Variants in WDR27 observed in about 807,000 individuals in gnomAD.
The protein encoded by WDR27 is WD repeat domain 27, also known as WD repeat-containing protein 27.
Under a neutral mutation model 114.4 loss-of-function variants are expected in WDR27, and 100 were observed. The observed-to-expected ratio is 0.87, with a 90% CI of 0.74 to 1.03. The LOEUF (loss-of-function observed/expected upper bound fraction) is 1.03, where lower values mean the gene tolerates loss of function less well. WDR27 is among the 50% of genes least tolerant of loss of function. WDR27 has a pLI of 0.00. For synonymous variants in WDR27, 449 were observed against 423.1 expected, an observed-to-expected ratio of 1.06 and a Z score of -0.75; for missense variants, 1,129 against 1,092.9, an observed-to-expected ratio of 1.03 and a Z score of -0.47.
intron 24 of WDR27, among the ~76,000 whole-genome samples, chr6:169,576,507 T>A (rs1802361691): frequency 6.6e-6 from 1 of 152,226 alleles, no homozygotes; most frequent in African/African-American, 2.4e-5. Flanking sequence ...AGACCTGTAG[T>A]CCCAGCACTT....
At chr6:169,507,858 G>A (rs1792211933) in intron 25 of WDR27, among the ~76,000 whole-genome samples, 1 of 152,012 alleles carries the variant, frequency 6.6e-6, no homozygotes, top group South Asian at 2.1e-4. Flanking sequence ...GAGACCACAT[G>A]TGGCACTCTC....
chr6:169,597,233 T>C (rs956513124), intron 23 of WDR27, among the ~76,000 whole-genome samples: 1 of 152,258 alleles, frequency 6.6e-6, no homozygotes, highest in Non-Finnish European at 1.5e-5. Context: ...CTGTGGTCTC[T>C]GACTTGTACT....
intron 21 of WDR27, among the ~76,000 whole-genome samples, chr6:169,631,378 T>C (rs962093045): frequency 6.6e-6 from 1 of 151,442 alleles, no homozygotes; most frequent in African/African-American, 2.4e-5. Flanking sequence ...AGAAAAGCCT[T>C]CTCCTATTGA....
chr6:169,544,426 C>CTTTTTTTTTTT (rs201281369), intron 25 of WDR27, among the ~76,000 whole-genome samples: 1 of 140,874 alleles, frequency 7.1e-6, no homozygotes. Context: ...ATTTCTTTTC[C>CTTTTTTTTTTT]TTTTTTTTTT....
chr6:169,611,306 C>CTTTTTT (rs56812983), intron 22 of WDR27, among the ~76,000 whole-genome samples: 1 of 132,250 alleles, frequency 7.6e-6, no homozygotes, highest in Non-Finnish European at 1.6e-5. Flanking sequence ...TTTTTACTTA[C>CTTTTTT]TTTTTTTTTT....
intron 25 of WDR27, among the ~76,000 whole-genome samples, chr6:169,557,814 C>A (rs945323262): frequency 2.6e-5 from 4 of 152,040 alleles, no homozygotes; most frequent in African/African-American, 9.7e-5. Context: ...AACTTGCATT[C>A]CCCTCCACTT....
chr6:169,525,471 G>A (rs577553008), intron 25 of WDR27, among the ~76,000 whole-genome samples: 2 of 149,878 alleles, frequency 1.3e-5, no homozygotes, highest in African/African-American at 5.0e-5. Flanking sequence ...GGGAGGTGGA[G>A]CTTGCAGTGA....
intron 25 of WDR27, among the ~76,000 whole-genome samples, chr6:169,501,800 C>T (rs1463217747): frequency 6.6e-6 from 1 of 152,202 alleles, no homozygotes; most frequent in Non-Finnish European, 1.5e-5. Context: ...CGCGACTGCC[C>T]TGCCTGGTGG....
intron 23 of WDR27, among the ~76,000 whole-genome samples, chr6:169,596,111 C>A (rs1173642674): frequency 6.6e-6 from 1 of 151,982 alleles, no homozygotes; most frequent in African/African-American, 2.4e-5. Flanking sequence ...TAGTCTGAGT[C>A]AATTTTCCCA....
chr6:169,685,147 C>T (rs1424069502), intron 2 of WDR27, among the ~76,000 whole-genome samples: 11 of 152,068 alleles, frequency 7.2e-5, no homozygotes. Flanking sequence ...TAAACTGACA[C>T]CCCAGGACCC....
chr6:169,565,519 GGA>G (rs2128120716), intron 25 of WDR27, among the ~76,000 whole-genome samples: 1 of 152,256 alleles, frequency 6.6e-6, no homozygotes, highest in Non-Finnish European at 1.5e-5. Flanking sequence ...CTTACGCAGT[GGA>G]GAAACTGAGT....
At chr6:169,473,056 C>T (rs950704528) in intron 25 of WDR27, among the ~76,000 whole-genome samples, 1 of 152,170 alleles carries the variant, frequency 6.6e-6, no homozygotes, top group African/African-American at 2.4e-5. Context: ...AAATACTTTT[C>T]AGATAGCTGT....
chr6:169,441,232 G>A, the WDR27 span, among the ~76,000 whole-genome samples: 41 of 152,064 alleles, frequency 2.7e-4, no homozygotes, highest in Non-Finnish European at 4.7e-4. Flanking sequence ...GGTCCCTGAT[G>A]TTGACTACCT....
intron 21 of WDR27, among the ~76,000 whole-genome samples, chr6:169,627,111 C>T (rs984534584): frequency 2.6e-5 from 4 of 152,160 alleles, no homozygotes; most frequent in South Asian, 2.1e-4. Flanking sequence ...ATGATTTCCT[C>T]GATAACTCCT....
chr6:169,695,392 T>C (rs1785634181), intron 1 of WDR27, among the ~76,000 whole-genome samples: 1 of 152,224 alleles, frequency 6.6e-6, no homozygotes, highest in South Asian at 2.1e-4. Flanking sequence ...GATTCCGTTT[T>C]GGATACGTTA....
downstream of WDR27, among the ~76,000 whole-genome samples, chr6:169,456,644 AATC>A (rs1562437045): frequency 6.6e-6 from 1 of 152,158 alleles, no homozygotes; most frequent in African/African-American, 2.4e-5. The surrounding 1 kb of genome is among the most constrained non-coding windows in gnomAD (Gnocchi z 4.0). Context: ...TCAGTTGTTC[AATC>A]ATCAACTGTG....
intron 8 of WDR27, chr6:169,663,851 A>G (rs1301040517): frequency 5.5e-6 from 2 of 364,592 alleles, no homozygotes; most frequent in Admixed American, 8.8e-5. Context: ...CTTTCTGATC[A>G]GCATGACCTG....
chr6:169,585,167 T>A (rs1804299544), intron 23 of WDR27, among the ~76,000 whole-genome samples: 1 of 152,104 alleles, frequency 6.6e-6, no homozygotes, highest in Non-Finnish European at 1.5e-5. Flanking sequence ...TCAAAATGGA[T>A]GAAAGGCCTA....
intron 25 of WDR27, among the ~76,000 whole-genome samples, chr6:169,530,446 A>C (rs775650030): frequency 6.6e-6 from 1 of 152,216 alleles, no homozygotes; most frequent in Admixed American, 6.5e-5. Context: ...ATCAACATTT[A>C]CAAATGCTGC....
Sources: allele counts gnomAD v4.1 joint callset (sites outside exome capture counted in the v4.1 genomes callset), GRCh38; gene constraint gnomAD v4.1.1; non-coding constraint Gnocchi (gnomAD v3.1); transcripts MANE v1.5; gene names NCBI Gene and HGNC (gene_info 2026-07-23, HGNC 2026-07-21).